NDUFAF2: variants seen among roughly 807,000 people sequenced by gnomAD.
NDUFAF2 encodes the protein NADH:ubiquinone oxidoreductase complex assembly factor 2, also known as NADH dehydrogenase [ubiquinone] 1 alpha subcomplex assembly factor 2.
In NDUFAF2, 13 loss-of-function variants were observed where a neutral mutation model predicts 22.8. The observed-to-expected ratio is 0.57, with a 90% CI of 0.37 to 0.91. The LOEUF is 0.91. Ranked by LOEUF, NDUFAF2 falls within the 40% of genes least tolerant of loss-of-function variation. NDUFAF2 has a pLI of 0.01. For synonymous variants in NDUFAF2, 53 were observed against 64.2 expected (o/e 0.83, Z 0.84); for missense variants, 162 against 195.2 (o/e 0.83, Z 1.01).
intron 1 of NDUFAF2, among the ~76,000 whole-genome samples, chr5:61,045,080 TAATAA>T (rs1751932068): frequency 7.2e-6 from 1 of 138,632 alleles, no homozygotes; most frequent in Non-Finnish European, 1.6e-5. Flanking sequence ...TATTAAAATT[TAATAA>T]AATAAAATAA....
intron 2 of NDUFAF2, among the ~76,000 whole-genome samples, chr5:61,095,404 G>A (rs530322661): frequency 4.0e-4 from 61 of 152,308 alleles, no homozygotes; most frequent in African/African-American, 1.4e-3. Context: ...GGTAGGGGGC[G>A]ACACTGTTGC....
chr5:61,087,968 G>T lies in NDUFAF2; in HGVS notation c.218-11024G>T, dbSNP rs562672814. On this transcript the variant is annotated intron_variant, in intron 2 of 3. Transcript: ENST00000296597. ...CAGGAGCCCAAGCACAGCCTAGCTA[G>T]GTTCTTTAGTTAAGGGTTTCACTAA... Among the ~76,000 whole-genome samples the T allele has an allele frequency of 4.6e-5, 7 of 152,190 alleles. 1 individual carries two copies. The highest frequency in any genetic ancestry group is 1.7e-4 in the African/African-American group (7 of 41,540).
intron 1 of NDUFAF2, among the ~76,000 whole-genome samples, chr5:60,984,352 A>G (rs895286530): frequency 7.2e-5 from 11 of 152,100 alleles, no homozygotes; most frequent in Admixed American, 2.0e-4. Context: ...AACAGGGACA[A>G]TTTGACTTCC....
At chr5:60,978,397 C>T (rs1750931565) in intron 1 of NDUFAF2, among the ~76,000 whole-genome samples, 1 of 152,152 alleles carries the variant, frequency 6.6e-6, no homozygotes, top group South Asian at 2.1e-4. Flanking sequence ...CACGGTTCTG[C>T]AGGCTGTACA....
At chr5:60,951,097 T>C (rs1313983655) in intron 1 of NDUFAF2, among the ~76,000 whole-genome samples, 1 of 152,182 alleles carries the variant, frequency 6.6e-6, no homozygotes, top group Non-Finnish European at 1.5e-5. Context: ...TAGTGCGATA[T>C]TGGCTCGGTG....
intron 2 of NDUFAF2, among the ~76,000 whole-genome samples, chr5:61,079,481 A>G (rs985810219): frequency 1.3e-5 from 2 of 152,170 alleles, no homozygotes; most frequent in Admixed American, 6.5e-5. Flanking sequence ...TAAGCCTCCT[A>G]TCTATCTCTA....
At chr5:61,031,172 T>A (rs2112609570) in intron 1 of NDUFAF2, among the ~76,000 whole-genome samples, 1 of 152,274 alleles carries the variant, frequency 6.6e-6, no homozygotes, top group Admixed American at 6.5e-5. Flanking sequence ...TTTCTTTTTT[T>A]AAATTATTAT....
rs1478784884 is a variant in NDUFAF2, at chr5:61,136,070, A to G, written c.259-16634A>G. ...AGGGTGGATTGCTTTTTTTCTCACC[A>G]GTATCCCTGTTTGCAAACATTTAGG... On this transcript the variant is annotated intron_variant, in intron 3 of 3. Transcript: ENST00000296597. Among the ~76,000 whole-genome samples the G allele has an allele frequency of 1.4e-4, 18 of 128,572 alleles. 1 individual carries two copies. In the South Asian group the frequency reaches 4.6e-3, roughly 33 times the overall value. 84.3% of individuals were successfully genotyped at this position (128,572 alleles called of 152,430 possible). A position where few individuals can be genotyped will look rare whatever the true frequency, so the allele number is the denominator to read the frequency against.
In NDUFAF2 at chr5:61,020,547, ATG is replaced by A. The variant is rs68178917; in HGVS notation, c.128-52552_128-52551del. Among the ~76,000 whole-genome samples the A allele has an allele frequency of 6.3e-3, 931 of 147,794 alleles. 7 individuals carry two copies. The highest frequency in any genetic ancestry group is 0.013 in the African/African-American group (532 of 40,146). The stretch of plus-strand genomic sequence containing the variant: ...TATTTTGAACTGTGTGGGTTTTGTT[ATG>A]TGTGTGTGTGTGTGTGTGTGTGTGT... On this transcript the variant is annotated intron_variant, in intron 1 of 3. Coordinates refer to ENST00000296597, the MANE Select transcript of NDUFAF2 (RefSeq NM_174889.5).
chr5:61,094,446 G>A (rs1375002572), intron 2 of NDUFAF2, among the ~76,000 whole-genome samples: 1 of 152,204 alleles, frequency 6.6e-6, no homozygotes, highest in Non-Finnish European at 1.5e-5. Context: ...CATTAGCTCA[G>A]TGAAGTTTGT....
At chr5:61,072,863 A>T (rs1561557127) in intron 1 of NDUFAF2, among the ~76,000 whole-genome samples, 1 of 152,158 alleles carries the variant, frequency 6.6e-6, no homozygotes, top group Non-Finnish European at 1.5e-5. Flanking sequence ...CGGCCTCCCA[A>T]AGTGCTGGGA....
chr5:60,999,058 G>A (rs924114839), intron 1 of NDUFAF2, among the ~76,000 whole-genome samples: 1 of 151,918 alleles, frequency 6.6e-6, no homozygotes, highest in South Asian at 2.1e-4. Flanking sequence ...GAAGACCAAT[G>A]AAAGTTGAGT....
chr5:61,045,085 A>AAATAAAATAAAATTTTATTAAAATTT lies in NDUFAF2; in HGVS notation c.128-28029_128-28028insATTTTATTAAAATTTAATAAAATAAA, dbSNP rs1751932193. Among the ~76,000 whole-genome samples the AAATAAAATAAAATTTTATTAAAATTT allele has an allele frequency of 5.0e-5, 7 of 140,606 alleles. 1 individual carries two copies. The highest frequency in any genetic ancestry group is 2.0e-4 in the East Asian group (1 of 4,882). The allele number at this position is 140,606 out of a possible 152,430, so 92.2% of individuals were successfully genotyped here. ...AATAAAGTTTTATTAAAATTTAATAAAATAAAATAAAGTTTTATTAAAATT... is the reference window on the plus strand; with the variant it reads ...AATAAAGTTTTATTAAAATTTAATAAAATAAAATAAAATTTTATTAAAATTTAATAAAATAAAGTTTTATTAAAATT... On this transcript the variant is annotated intron_variant, in intron 1 of 3. Transcript: ENST00000296597.
At chr5:60,991,317 T>G (rs548569548) in intron 1 of NDUFAF2, among the ~76,000 whole-genome samples, 4 of 152,264 alleles carry the variant, frequency 2.6e-5, no homozygotes, top group Non-Finnish European at 5.9e-5. Flanking sequence ...ATACTTTGAG[T>G]CACAATCAAT....
At chr5:61,123,375 A>G (rs769596710) in intron 3 of NDUFAF2, among the ~76,000 whole-genome samples, 1 of 152,152 alleles carries the variant, frequency 6.6e-6, no homozygotes, top group Non-Finnish European at 1.5e-5. Context: ...CCCTGTCTAT[A>G]TAGTATAGCC....
At chr5:61,005,983 T>G (rs162238) in intron 1 of NDUFAF2, among the ~76,000 whole-genome samples, 86,621 of 151,956 alleles carry the variant, frequency 0.57, 25,978 homozygotes, top group East Asian at 0.94. Flanking sequence ...TTGTTGCCAT[T>G]GCTTTTGGTG....
At chr5:61,144,374 A>G (rs1741103845) in intron 3 of NDUFAF2, among the ~76,000 whole-genome samples, 1 of 152,202 alleles carries the variant, frequency 6.6e-6, no homozygotes, top group African/African-American at 2.4e-5. Flanking sequence ...AAAAAATACT[A>G]GTGACATTTT....
chr5:61,032,403 A>G (rs897642972), intron 1 of NDUFAF2, among the ~76,000 whole-genome samples: 5 of 152,284 alleles, frequency 3.3e-5, no homozygotes, highest in African/African-American at 1.2e-4. Context: ...ATTTCTGTAC[A>G]AGGTGTAAGG....
At chr5:60,967,683 G>A (rs1750775685) in intron 1 of NDUFAF2, among the ~76,000 whole-genome samples, 2 of 151,458 alleles carry the variant, frequency 1.3e-5, no homozygotes, top group Non-Finnish European at 3.0e-5. Context: ...TGCTTTCCAG[G>A]GATAAATCTC....
Sources: gnomAD v4.1 joint callset for allele counts (sites outside exome capture counted in the v4.1 genomes callset) on GRCh38, gnomAD v4.1.1 for gene constraint, MANE v1.5 for transcripts, NCBI Gene and HGNC (gene_info 2026-07-23, HGNC 2026-07-21) for gene names.